Variants in RFX6 observed in about 807,000 individuals in gnomAD.
The protein encoded by RFX6 is regulatory factor X6.
In RFX6, 50 loss-of-function variants were observed where a neutral mutation model predicts 110.8. That is an observed-to-expected ratio of 0.45 (90% CI 0.36 to 0.57). RFX6 has a LOEUF of 0.57. Ranked by LOEUF, RFX6 falls within the 20% of genes least tolerant of loss-of-function variation. The probability of loss-of-function intolerance (pLI) is 0.00; values close to 1 mark genes in which losing one functional copy is unlikely to be tolerated. For synonymous variants in RFX6, 383 were observed against 411.2 expected, an observed-to-expected ratio of 0.93 and a Z score of 0.83; for missense variants, 990 against 1,127.0, an observed-to-expected ratio of 0.88 and a Z score of 1.74.
chr6:116,882,568 T>TC, intron 4 of RFX6, 140 bp downstream of exon 4: 2 of 467,304 alleles, frequency 4.3e-6, no homozygotes, highest in East Asian at 3.5e-5. Flanking sequence ...CTGTGAGAAC[T>TC]GAAAAAAAAA....
Position 116,928,634 on chromosome 6 carries a change from G to A in RFX6, c.2399-125G>A. ...CAAATCCAGTTCTGTAGCATGTATA[G>A]ATACACATGTAATACTTACAGTTTG... On this transcript the variant is annotated intron_variant, in intron 17 of 18. Coordinates refer to ENST00000332958, the MANE Select transcript of RFX6 (RefSeq NM_173560.4). 11 of 726,850 alleles carry A rather than the reference G, an allele frequency of 1.5e-5. 1 individual carries two copies. In the South Asian group the frequency reaches 1.6e-4, roughly 11 times the overall value. The allele number at this position is 726,850 out of a possible 1,614,324, so 45.0% of individuals were successfully genotyped here.
In RFX6 at chr6:116,890,220, A is replaced by G. The variant is rs77276873; in HGVS notation, c.567-3767A>G. ...TCAAACCCATAACATTTTTAAACAA[A>G]TCACATAATTTTTGAATGTCTGTTT... is the stretch of plus-strand genomic sequence containing the variant. On this transcript the variant is annotated intron_variant, in intron 4 of 18. Transcript: ENST00000332958. 6.6e-3 allele frequency among the ~76,000 whole-genome samples: 1,007 copies of G among 152,258 alleles called. 8 individuals are homozygous for G. The highest frequency in any genetic ancestry group is 0.048 in the Middle Eastern group (14 of 294).
At position 116,922,056 on chromosome 6, in the gene RFX6, G is replaced by A; in HGVS notation, c.1342G>A (p.Val448Met). ...GIYTEHDSIT[V>M]FQELKDLLKK... ...TTCCTGGGTAGATGACTCTATCACT[G>A]TGTTCCAAGAACTGAAGGATCTCCT... The change falls in exon 13 of 19, where the codon GTG becomes ATG. Residue 448 changes from valine (V) to methionine (M), a missense_variant. Val to Met is a conservative substitution (Grantham distance 21). This residue lies in a region of RFX6 where 45 missense variants were observed against 29.3 expected (regional missense o/e 1.53). Transcript: ENST00000332958. The A allele has an allele frequency of 7.1e-7, 1 of 1,410,542 alleles. No homozygotes were observed. The highest frequency in any genetic ancestry group is 9.9e-7 in the Non-Finnish European group (1 of 1,006,682). 87.4% of individuals were successfully genotyped at this position (1,410,542 alleles called of 1,614,324 possible). A position where few individuals can be genotyped will look rare whatever the true frequency, so the allele number is the denominator to read the frequency against.
At chr6:116,922,429 A>G (rs1470144143) in intron 13 of RFX6, among the ~76,000 whole-genome samples, 2 of 152,218 alleles carry the variant, frequency 1.3e-5, no homozygotes, top group African/African-American at 4.8e-5. Context: ...ATTACAGCTG[A>G]GTAACATCAG....
chr6:116,881,815 G>A (rs1471755164), intron 3 of RFX6, among the ~76,000 whole-genome samples: 2 of 152,086 alleles, frequency 1.3e-5, no homozygotes, highest in Non-Finnish European at 2.9e-5. Context: ...GCTCTTTAAA[G>A]TTCATGTATG....
intron 4 of RFX6, among the ~76,000 whole-genome samples, chr6:116,890,805 GTTAC>G (rs1463613070): frequency 1.3e-5 from 2 of 151,972 alleles, no homozygotes; most frequent in Admixed American, 6.6e-5. Context: ...ATATAAAATA[GTTAC>G]TTTTGTATTT....
At chr6:116,880,142 A>T (rs1774555998) in intron 2 of RFX6, among the ~76,000 whole-genome samples, 1 of 152,078 alleles carries the variant, frequency 6.6e-6, no homozygotes, top group South Asian at 2.1e-4. Flanking sequence ...GAATGTAAGC[A>T]TTTGCCAACC....
intron 6 of RFX6, among the ~76,000 whole-genome samples, 198 bp from the exon 7 acceptor site, chr6:116,910,737 A>C (rs1013558769): frequency 1.3e-5 from 2 of 152,210 alleles, no homozygotes; most frequent in Admixed American, 1.3e-4. Flanking sequence ...GAAACTATTG[A>C]AGGTTTGAAA....
intron 17 of RFX6, among the ~76,000 whole-genome samples, chr6:116,928,196 T>C (rs1775794221): frequency 6.6e-6 from 1 of 152,010 alleles, no homozygotes; most frequent in Non-Finnish European, 1.5e-5. Context: ...TCCTGATAAC[T>C]AAAAGCAGAT....
intron 2 of RFX6, among the ~76,000 whole-genome samples, chr6:116,878,870 GT>G (rs34428622): frequency 6.6e-6 from 1 of 150,580 alleles, no homozygotes; most frequent in Non-Finnish European, 1.5e-5. Flanking sequence ...ACATATAGTA[GT>G]TTTTTGTGAT....
chr6:116,929,073 T>A, intron 18 of RFX6, 102 bp downstream of exon 18: 1 of 800,100 alleles, frequency 1.2e-6, no homozygotes, highest in Non-Finnish European at 2.2e-6. Context: ...TGAGCAAGCA[T>A]GTTTCCACGG....
chr6:116,923,721 T>C (rs1775651816), intron 14 of RFX6, among the ~76,000 whole-genome samples: 1 of 152,224 alleles, frequency 6.6e-6, no homozygotes, highest in Non-Finnish European at 1.5e-5. Flanking sequence ...AAAAACAGCT[T>C]AGAAGACACA....
chr6:116,927,567 G>T, intron 17 of RFX6, 28 bp downstream of exon 17: 1 of 1,603,034 alleles, frequency 6.2e-7, no homozygotes. Context: ...AATTTTTCTT[G>T]GTTTTTGAGA....
chr6:116,928,571 C>CA (rs1775805669), intron 17 of RFX6, among the ~76,000 whole-genome samples, 188 bp from the exon 18 acceptor site: 1 of 152,058 alleles, frequency 6.6e-6, no homozygotes, highest in Non-Finnish European at 1.5e-5. Flanking sequence ...TTAAAAAACA[C>CA]AAAAAACAGC....
At chr6:116,883,402 C>G (rs140914145) in intron 4 of RFX6, among the ~76,000 whole-genome samples, 128 of 152,216 alleles carry the variant, frequency 8.4e-4, no homozygotes, top group African/African-American at 3.0e-3. Context: ...TCCTTCTGCC[C>G]TGACATCACA....
intron 7 of RFX6, among the ~76,000 whole-genome samples, chr6:116,912,367 T>G (rs1775371318): frequency 6.6e-6 from 1 of 151,910 alleles, no homozygotes; most frequent in African/African-American, 2.4e-5. Context: ...AAATATACCC[T>G]TAAAAAAAAG....
At chr6:116,919,382 G>A (rs1775544106) in intron 11 of RFX6, 86 bp downstream of exon 11, 3 of 1,224,756 alleles carry the variant, frequency 2.4e-6, no homozygotes, top group Non-Finnish European at 3.6e-6. Flanking sequence ...AACTTTCATA[G>A]ATTGAAGGGA....
At chr6:116,901,227 A>G (rs1294256038) in intron 6 of RFX6, among the ~76,000 whole-genome samples, 1 of 152,158 alleles carries the variant, frequency 6.6e-6, no homozygotes, top group Non-Finnish European at 1.5e-5. Flanking sequence ...ATATTTTCCA[A>G]TTGTAATGGT....
rs1380746374 is a variant in RFX6 at position 116,888,299 on chromosome 6, TA to T, written c.567-5681del. The stretch of plus-strand genomic sequence containing the variant: ...AGGCACAAAGTAAATATTTTAGTAG[TA>T]AAAAAAGAACAGCAATAATTTCATT... On this transcript the variant is annotated intron_variant, in intron 4 of 18. Coordinates refer to ENST00000332958, the MANE Select transcript of RFX6 (RefSeq NM_173560.4). Among the ~76,000 whole-genome samples, 4 of 152,278 alleles carry T rather than the reference TA, an allele frequency of 2.6e-5. No homozygotes were observed. In the East Asian group the frequency reaches 7.7e-4, roughly 29 times the overall value.
Sources: gnomAD v4.1 joint callset for allele counts (sites outside exome capture counted in the v4.1 genomes callset) on GRCh38, gnomAD v4.1.1 for gene constraint, gnomAD v4.1.1 regional missense constraint, MANE v1.5 for transcripts, NCBI Gene and HGNC (gene_info 2026-07-23, HGNC 2026-07-21) for gene names.